PCDHA2: variants seen among roughly 807,000 people sequenced by gnomAD.
PCDHA2 encodes the protein protocadherin alpha-2.
In PCDHA2, 58 loss-of-function variants were observed where a neutral mutation model predicts 66.0. The observed-to-expected ratio is 0.88, with a 90% CI of 0.71 to 1.09. The LOEUF is 1.09. Ranked by LOEUF, PCDHA2 falls within the 50% of genes least tolerant of loss-of-function variation. PCDHA2 has a pLI of 0.00. For synonymous variants in PCDHA2, 634 were observed against 554.0 expected (o/e 1.14, Z -2.03); for missense variants, 1,267 against 1,242.3 (o/e 1.02, Z -0.30).
At chr5:140,851,766 T>A in intron 1 of PCDHA2, 2 of 968,988 alleles carry the variant, frequency 2.1e-6, no homozygotes, top group South Asian at 4.8e-5. Context: ...AACATTACCC[T>A]TATGAATTTA....
chr5:140,904,714 C>T (rs1306730472), intron 1 of PCDHA2, among the ~76,000 whole-genome samples: 1 of 152,110 alleles, frequency 6.6e-6, no homozygotes, highest in African/African-American at 2.4e-5. Flanking sequence ...TCACCACATT[C>T]TGGCCAACAT....
At chr5:140,882,331 C>G (rs781801545) in intron 1 of PCDHA2, 3 of 1,614,214 alleles carry the variant, frequency 1.9e-6, no homozygotes, top group South Asian at 1.1e-5. Flanking sequence ...TTCTGATCCT[C>G]GCAGCCTGGG....
rs367885958 is a variant in PCDHA2, at chr5:140,884,427, C to G, written c.2388+87075C>G. The G allele has an allele frequency of 2.5e-5, 40 of 1,613,840 alleles. No individual in the cohort carries two copies. The African/African-American group carries it at 5.1e-4, about 20-fold the overall frequency. ...GTGCTCACGTTGCTGCTGTATACTG[C>G]GCTGCGGTGCTCGGCACCGCCCACC... is the stretch of plus-strand genomic sequence containing the variant. On this transcript the variant is annotated intron_variant, in intron 1 of 3. Coordinates refer to ENST00000526136, the MANE Select transcript of PCDHA2 (RefSeq NM_018905.3).
At chr5:140,929,010 G>A in intron 1 of PCDHA2, 2 of 1,614,128 alleles carry the variant, frequency 1.2e-6, no homozygotes, top group Non-Finnish European at 1.7e-6. Flanking sequence ...TGTGTACCAA[G>A]TTGCACCAGA....
Position 140,896,583 on chromosome 5 carries a change from GC to G in PCDHA2, c.2389-82364del, listed in dbSNP as rs1194968470. The stretch of plus-strand genomic sequence containing the variant: ...GTAGAGATGGGGTTTTGACGTGTTG[GC>G]CAGGCTGGTCTCGAACTCCTGGTCT... On this transcript the variant is annotated intron_variant, in intron 1 of 3. Coordinates refer to ENST00000526136, the MANE Select transcript of PCDHA2 (RefSeq NM_018905.3). Among the ~76,000 whole-genome samples, 4 of 151,654 alleles carry G rather than the reference GC, an allele frequency of 2.6e-5. No individual in the cohort carries two copies. In the East Asian group the frequency reaches 7.8e-4, roughly 29 times the overall value.
intron 1 of PCDHA2, chr5:140,836,878 A>G: frequency 1.5e-6 from 1 of 681,278 alleles, no homozygotes; most frequent in Non-Finnish European, 2.4e-6. Context: ...CTGTATTTGC[A>G]CTAATTATTT....
intron 1 of PCDHA2, among the ~76,000 whole-genome samples, chr5:140,974,689 T>A (rs2153804618): frequency 1.3e-5 from 2 of 152,208 alleles, no homozygotes; most frequent in South Asian, 4.1e-4. Flanking sequence ...TTTTGTATTT[T>A]TGGGTTTCAC....
chr5:140,903,192 G>A (rs2070083529), intron 1 of PCDHA2, among the ~76,000 whole-genome samples: 1 of 152,160 alleles, frequency 6.6e-6, no homozygotes, highest in South Asian at 2.1e-4. Flanking sequence ...GTATAAAAGA[G>A]TGTCCTTTTC....
At chr5:140,983,517 G>A (rs1475712929) in intron 3 of PCDHA2, among the ~76,000 whole-genome samples, 2 of 152,196 alleles carry the variant, frequency 1.3e-5, no homozygotes, top group African/African-American at 4.8e-5. Flanking sequence ...TAGACACTGT[G>A]CCAAGTACAT....
rs781889029 is a variant in PCDHA2 at position 140,870,331 on chromosome 5, AGCGCCCTGGACC to A, written c.2388+72983_2388+72994del. The A allele has an allele frequency of 4.3e-6, 7 of 1,614,160 alleles. No homozygotes were observed. The South Asian group carries it at 7.7e-5, about 18-fold the overall frequency. Reference sequence around the variant, plus strand: ...GAATTACTACTCGTTGGTGCTGGACAGCGCCCTGGACCGCGAGAACGTGTGGGCCTATGAACT... The same window carrying A: ...GAATTACTACTCGTTGGTGCTGGACAGCGAGAACGTGTGGGCCTATGAACT... On this transcript the variant is annotated intron_variant, in intron 1 of 3. Coordinates refer to ENST00000526136, the MANE Select transcript of PCDHA2 (RefSeq NM_018905.3).
chr5:140,857,419 C>G, intron 1 of PCDHA2: 3 of 1,598,332 alleles, frequency 1.9e-6, no homozygotes, highest in Non-Finnish European at 2.6e-6. Context: ...TCGCGCAGTC[C>G]GAGTACACGG....
intron 3 of PCDHA2, among the ~76,000 whole-genome samples, chr5:140,996,029 C>T (rs915903807): frequency 6.6e-6 from 1 of 152,184 alleles, no homozygotes; most frequent in Admixed American, 6.5e-5. Context: ...GTTTAATGCT[C>T]CTAGCACTTA....
chr5:140,829,011 A>C (rs1554131712), intron 1 of PCDHA2: 1 of 1,613,882 alleles, frequency 6.2e-7, no homozygotes, highest in Non-Finnish European at 8.5e-7. Flanking sequence ...ATTCGGGGTA[A>C]TTTGGATTTT....
chr5:140,953,293 G>A (rs1410676265), intron 1 of PCDHA2, among the ~76,000 whole-genome samples: 3 of 152,084 alleles, frequency 2.0e-5, no homozygotes, highest in Admixed American at 2.0e-4. Context: ...GTGATTCAGG[G>A]ACGGCAGAGA....
intron 1 of PCDHA2, among the ~76,000 whole-genome samples, chr5:140,957,407 ATTG>A (rs2095357259): frequency 6.6e-6 from 1 of 152,156 alleles, no homozygotes; most frequent in Non-Finnish European, 1.5e-5. Context: ...ATTTATTATT[ATTG>A]TTGTTAATCT....
chr5:140,823,121 A>G, intron 1 of PCDHA2: 1 of 1,614,018 alleles, frequency 6.2e-7, no homozygotes, highest in Non-Finnish European at 8.5e-7. Flanking sequence ...GACGTGAACG[A>G]CAACGCTCCG....
chr5:140,882,929 G>A, intron 1 of PCDHA2: 1 of 1,614,160 alleles, frequency 6.2e-7, no homozygotes, highest in Non-Finnish European at 8.5e-7. Context: ...AGGTAAACCC[G>A]AGCTGACTGG....
In PCDHA2 at chr5:140,855,086, A is replaced by G. The variant is rs998686310; in HGVS notation, c.2388+57734A>G. ...CTTAAATACAGAAACCACCACTCTCAGCCTGTGCAGTAGCAATAATTAAGG... is the reference window on the plus strand; with the variant it reads ...CTTAAATACAGAAACCACCACTCTCGGCCTGTGCAGTAGCAATAATTAAGG... On this transcript the variant is annotated intron_variant, in intron 1 of 3. Transcript: ENST00000526136. Among the ~76,000 whole-genome samples the G allele has an allele frequency of 3.5e-4, 52 of 150,018 alleles. 3 individuals are homozygous for G. Among genetic ancestry groups the G allele is most frequent in the African/African-American group, 1.2e-3 (49 of 41,006 alleles).
At chr5:141,006,828 G>A (rs1554260937) in intron 3 of PCDHA2, among the ~76,000 whole-genome samples, 1 of 152,162 alleles carries the variant, frequency 6.6e-6, no homozygotes, top group Non-Finnish European at 1.5e-5. Context: ...TAAATGGGGT[G>A]TAATTTACTG....
Sources: gnomAD v4.1 joint callset for allele counts (sites outside exome capture counted in the v4.1 genomes callset) on GRCh38, gnomAD v4.1.1 for gene constraint, MANE v1.5 for transcripts, NCBI Gene and HGNC (gene_info 2026-07-23, HGNC 2026-07-21) for gene names.